HIVEP2: variants seen among roughly 807,000 people sequenced by gnomAD.
The protein encoded by HIVEP2 is transcription factor HIVEP2.
A neutral mutation model predicts 180.7 loss-of-function variants in HIVEP2; 14 were observed. The observed-to-expected ratio is 0.08, with a 90% confidence interval of 0.05 to 0.12. The LOEUF (loss-of-function observed/expected upper bound fraction) is 0.12, where lower values mean the gene tolerates loss of function less well. Among genes scored for constraint, HIVEP2 ranks in the 10% least tolerant of loss-of-function variants. The pLI is 1.00. For missense variants in HIVEP2, 2,579 were observed against 3,008.5 expected, an observed-to-expected ratio of 0.86 and a Z score of 3.34; for synonymous variants, 1,184 against 1,136.4, an observed-to-expected ratio of 1.04 and a Z score of -0.84.
intron 2 of HIVEP2, among the ~76,000 whole-genome samples, chr6:142,836,447 A>T (rs113571397): frequency 4.3e-4 from 65 of 152,288 alleles, no homozygotes; most frequent in African/African-American, 1.5e-3. Context: ...AAGGAAGCTG[A>T]ATCCATCAAG....
intron 7 of HIVEP2, among the ~76,000 whole-genome samples, chr6:142,761,837 G>T (rs1480553972): frequency 2.0e-5 from 3 of 152,126 alleles, no homozygotes; most frequent in Admixed American, 6.5e-5. Flanking sequence ...TCAAGAGTAG[G>T]CTCAAAGCAA....
chr6:142,776,056 A>G (rs1775689655), intron 4 of HIVEP2, 91 bp downstream of exon 4: 1 of 152,454 alleles, frequency 6.6e-6, no homozygotes, highest in African/African-American at 2.4e-5. Context: ...GGAAAAGATA[A>G]AAGGGTGCAT....
At chr6:142,827,141 A>G (rs1239961361) in intron 2 of HIVEP2, among the ~76,000 whole-genome samples, 1 of 152,178 alleles carries the variant, frequency 6.6e-6, no homozygotes, top group African/African-American at 2.4e-5. Flanking sequence ...TACAATTTAA[A>G]ATACCCCTTT....
intron 9 of HIVEP2, among the ~76,000 whole-genome samples, chr6:142,756,827 ATCTATCT>A (rs942839355): frequency 6.6e-6 from 1 of 151,724 alleles, no homozygotes; most frequent in Non-Finnish European, 1.5e-5. Flanking sequence ...CTATCTATCT[ATCTATCT>A]ATCTATCCGT....
chr6:142,854,960 G>A (rs561850756), intron 1 of HIVEP2, among the ~76,000 whole-genome samples: 1 of 152,324 alleles, frequency 6.6e-6, no homozygotes, highest in African/African-American at 2.4e-5. Context: ...GGCAAGGAAC[G>A]TTAAGTAACT....
chr6:142,865,865 G>A (rs115688635), intron 1 of HIVEP2, among the ~76,000 whole-genome samples: 11 of 152,236 alleles, frequency 7.2e-5, no homozygotes, highest in African/African-American at 2.6e-4. Context: ...AACTTACAAG[G>A]AAGGAGCTGG....
intron 1 of HIVEP2, among the ~76,000 whole-genome samples, chr6:142,894,858 C>T (rs1357687787): frequency 2.6e-5 from 4 of 152,174 alleles, no homozygotes; most frequent in Non-Finnish European, 1.5e-5. Context: ...ACTACACTGT[C>T]CCCACTGATA....
chr6:142,823,555 T>A (rs1342212414), intron 2 of HIVEP2, among the ~76,000 whole-genome samples: 1 of 152,228 alleles, frequency 6.6e-6, no homozygotes, highest in Non-Finnish European at 1.5e-5. Context: ...TCAGATGGTG[T>A]GGACGCAACA....
chr6:142,879,200 G>A (rs2128415638), intron 1 of HIVEP2, among the ~76,000 whole-genome samples: 1 of 152,232 alleles, frequency 6.6e-6, no homozygotes, highest in South Asian at 2.1e-4. Flanking sequence ...GATCTTCACA[G>A]TAACCTATTA....
At chr6:142,808,322 T>C (rs1266335093) in intron 2 of HIVEP2, among the ~76,000 whole-genome samples, 1 of 151,494 alleles carries the variant, frequency 6.6e-6, no homozygotes, top group African/African-American at 2.4e-5. Context: ...GGTGAATGGA[T>C]GGAAGGAAGG....
chr6:142,910,210 T>C (rs1403220452), intron 1 of HIVEP2, among the ~76,000 whole-genome samples: 1 of 152,262 alleles, frequency 6.6e-6, no homozygotes, highest in Non-Finnish European at 1.5e-5. Flanking sequence ...TGATGAGATA[T>C]TTCTATTACC....
chr6:142,798,312 C>G (rs1776327310), intron 2 of HIVEP2, among the ~76,000 whole-genome samples: 1 of 152,074 alleles, frequency 6.6e-6, no homozygotes, highest in Non-Finnish European at 1.5e-5. Flanking sequence ...ACCGGCTCCT[C>G]AAGGCTTCAC....
At chr6:142,791,782 T>A (rs1562520333) in intron 2 of HIVEP2, among the ~76,000 whole-genome samples, 3 of 152,150 alleles carry the variant, frequency 2.0e-5, no homozygotes. Flanking sequence ...CAAGTAAGAA[T>A]TAAAAATAGT....
At chr6:142,914,514 CAG>C (rs1777501115) in intron 1 of HIVEP2, among the ~76,000 whole-genome samples, 1 of 152,122 alleles carries the variant, frequency 6.6e-6, no homozygotes, top group South Asian at 2.1e-4. Flanking sequence ...TGAAAATGGG[CAG>C]AGTCATAACA....
At chr6:142,821,618 T>G (rs1441849308) in intron 2 of HIVEP2, among the ~76,000 whole-genome samples, 1 of 152,242 alleles carries the variant, frequency 6.6e-6, no homozygotes, top group African/African-American at 2.4e-5. Flanking sequence ...GTTAACTGTA[T>G]ATTTTTCTGT....
intron 9 of HIVEP2, among the ~76,000 whole-genome samples, chr6:142,754,483 G>A (rs1775012525): frequency 6.6e-6 from 1 of 152,130 alleles, no homozygotes; most frequent in Non-Finnish European, 1.5e-5. Context: ...AAACAGTGGT[G>A]AGGATCCACA....
intron 1 of HIVEP2, among the ~76,000 whole-genome samples, chr6:142,900,017 A>C (rs1312514204): frequency 2.0e-5 from 3 of 152,216 alleles, no homozygotes; most frequent in Non-Finnish European, 4.4e-5. Context: ...AATAAACCTT[A>C]ATATAAGGTC....
intron 2 of HIVEP2, among the ~76,000 whole-genome samples, chr6:142,827,758 T>C (rs1400151822): frequency 6.6e-6 from 1 of 151,838 alleles, no homozygotes; most frequent in African/African-American, 2.4e-5. Context: ...TGCAAGAAAA[T>C]AATCTGGGAG....
intron 3 of HIVEP2, among the ~76,000 whole-genome samples, chr6:142,778,076 A>G (rs1372753091): frequency 6.6e-6 from 1 of 152,206 alleles, no homozygotes; most frequent in Non-Finnish European, 1.5e-5. Context: ...CCTTCTGTTA[A>G]TGGCCATGAA....
Sources: allele counts gnomAD v4.1 joint callset (sites outside exome capture counted in the v4.1 genomes callset), GRCh38; gene constraint gnomAD v4.1.1; transcripts MANE v1.5; gene names NCBI Gene and HGNC (gene_info 2026-07-23, HGNC 2026-07-21).